Variants in ZBTB20 observed in about 807,000 individuals in gnomAD.
The protein encoded by ZBTB20 is zinc finger and BTB domain containing 20, also known as zinc finger and BTB domain-containing protein 20.
A neutral mutation model predicts 56.9 loss-of-function variants in ZBTB20; 9 were observed. The observed-to-expected ratio is 0.16, with a 90% CI of 0.10 to 0.28. The LOEUF is 0.28. Ranked by LOEUF, ZBTB20 falls within the 10% of genes least tolerant of loss-of-function variation. The pLI, the probability that ZBTB20 is intolerant of heterozygous loss-of-function variation, is 1.00. For missense variants in ZBTB20, 655 were observed against 1,003.0 expected, an observed-to-expected ratio of 0.65 and a Z score of 4.69; for synonymous variants, 417 against 420.7, an observed-to-expected ratio of 0.99 and a Z score of 0.11.
At chr3:114,375,305 C>CA (rs1263151240) in intron 10 of ZBTB20, among the ~76,000 whole-genome samples, 13 of 152,190 alleles carry the variant, frequency 8.5e-5, no homozygotes, top group Admixed American at 2.6e-4. Flanking sequence ...TAACGCCTTT[C>CA]AATCACAAAC....
In ZBTB20 at chr3:114,778,393, T is replaced by C. The variant is rs889223208; in HGVS notation, c.-343+22708A>G. Among the ~76,000 whole-genome samples the C allele has an allele frequency of 4.0e-5, 6 of 151,514 alleles. 1 individual carries two copies. The Middle Eastern group carries it at 0.014, about 346-fold the overall frequency. Reference sequence around the variant, plus strand: ...CAACAAAAAACCCAATAACTTAAAATTGGAAAAGTCCAATAGCAAAATTAT... The same window carrying C: ...CAACAAAAAACCCAATAACTTAAAACTGGAAAAGTCCAATAGCAAAATTAT... On this transcript the variant is annotated intron_variant, in intron 5 of 11. Coordinates refer to ENST00000675478, the MANE Select transcript of ZBTB20 (RefSeq NM_001348800.3).
intron 3 of ZBTB20, among the ~76,000 whole-genome samples, chr3:114,904,167 G>A (rs1262998576): frequency 6.6e-6 from 1 of 151,962 alleles, no homozygotes; most frequent in Non-Finnish European, 1.5e-5. Flanking sequence ...TTCTAGGTTG[G>A]CATAGCTGTG....
chr3:114,486,477 C>T (rs2042165792), intron 7 of ZBTB20, among the ~76,000 whole-genome samples: 1 of 152,030 alleles, frequency 6.6e-6, no homozygotes, highest in South Asian at 2.1e-4. Context: ...TGTTATAAAA[C>T]TGGTAGAGGA....
chr3:114,619,135 G>A (rs1467519035), intron 6 of ZBTB20, among the ~76,000 whole-genome samples: 1 of 152,164 alleles, frequency 6.6e-6, no homozygotes, highest in African/African-American at 2.4e-5. Context: ...GTTGTTTGGT[G>A]CCAGGTTTGT....
intron 3 of ZBTB20, among the ~76,000 whole-genome samples, chr3:114,919,701 T>A (rs1187031068): frequency 1.3e-5 from 2 of 149,650 alleles, no homozygotes; most frequent in Middle Eastern, 3.4e-3. Flanking sequence ...CAAGACTCCA[T>A]CTCAAAAAAA....
intron 6 of ZBTB20, among the ~76,000 whole-genome samples, chr3:114,679,108 C>T (rs1195284178): frequency 6.6e-6 from 1 of 152,116 alleles, no homozygotes; most frequent in African/African-American, 2.4e-5. Flanking sequence ...GGACCCCTTC[C>T]TTACACCTTA....
chr3:114,682,570 T>C (rs1359344285), intron 6 of ZBTB20, among the ~76,000 whole-genome samples: 3 of 152,016 alleles, frequency 2.0e-5, no homozygotes, highest in Non-Finnish European at 4.4e-5. Context: ...CCATAATTGA[T>C]GAATTCAAAA....
chr3:114,482,588 T>C (rs2041682351), intron 7 of ZBTB20, among the ~76,000 whole-genome samples: 5 of 152,198 alleles, frequency 3.3e-5, no homozygotes, highest in Admixed American at 2.6e-4. Context: ...GTTTAAAATA[T>C]TTTTATTCAT....
At chr3:114,759,180 C>T (rs985494824) in intron 5 of ZBTB20, 3 of 152,174 alleles carry the variant, frequency 2.0e-5, no homozygotes, top group Non-Finnish European at 1.5e-5. Context: ...CATGCCAGGG[C>T]ACAGCTTGTC....
chr3:114,618,631 T>C (rs1024871127), intron 6 of ZBTB20, among the ~76,000 whole-genome samples: 1 of 152,164 alleles, frequency 6.6e-6, no homozygotes, highest in Non-Finnish European at 1.5e-5. Flanking sequence ...TTAATGAATA[T>C]AATGAAGAAA....
At position 114,334,692 on chromosome 3, in the gene ZBTB20, C is replaced by G. The variant is rs185078960; in HGVS notation, c.*4313G>C. 1 of 152,172 alleles carries G rather than the reference C, an allele frequency of 6.6e-6. No individual in the cohort carries two copies. Among genetic ancestry groups the G allele is most frequent in the Non-Finnish European group, 1.5e-5 (1 of 68,032 alleles). 9.4% of individuals were successfully genotyped at this position (152,172 alleles called of 1,614,324 possible). A position where few individuals can be genotyped will look rare whatever the true frequency, so the allele number is the denominator to read the frequency against. ...CTAAGGCCAAGAGCTACTATGATCT[C>G]TAAGATGACTAGGAATGAACTGAGG... On this transcript the variant is annotated 3_prime_UTR_variant, in exon 12 of 12. Transcript: ENST00000675478.
chr3:114,767,851 T>TTG (rs1364278340), intron 5 of ZBTB20, among the ~76,000 whole-genome samples: 3 of 152,058 alleles, frequency 2.0e-5, no homozygotes, highest in African/African-American at 7.2e-5. Flanking sequence ...AACTCAACAG[T>TTG]TCCAAGTGTT....
chr3:114,507,365 T>TCCCC (rs2044758293), intron 6 of ZBTB20, among the ~76,000 whole-genome samples: 3 of 152,116 alleles, frequency 2.0e-5, no homozygotes, highest in Admixed American at 6.6e-5. Flanking sequence ...GCCACTCAGG[T>TCCCC]ATAGAAAGAG....
chr3:114,637,298 G>A (rs887713677), intron 6 of ZBTB20, among the ~76,000 whole-genome samples: 28 of 151,988 alleles, frequency 1.8e-4, no homozygotes, highest in African/African-American at 6.8e-4. Flanking sequence ...AACTGAACAT[G>A]GAGAAAAAGT....
At chr3:115,122,832 T>C (rs535251105) in intron 1 of ZBTB20, among the ~76,000 whole-genome samples, 4 of 152,230 alleles carry the variant, frequency 2.6e-5, no homozygotes, top group Admixed American at 6.5e-5. Flanking sequence ...TCCACAAGCC[T>C]ACATTGACAT....
intron 4 of ZBTB20, among the ~76,000 whole-genome samples, chr3:114,846,451 C>G (rs1560315422): frequency 1.3e-5 from 2 of 152,192 alleles, no homozygotes; most frequent in Non-Finnish European, 2.9e-5. Context: ...GAAATGAGAG[C>G]TCTCCTAGAG....
At chr3:114,527,560 G>A (rs890780175) in intron 6 of ZBTB20, among the ~76,000 whole-genome samples, 1 of 152,134 alleles carries the variant, frequency 6.6e-6, no homozygotes, top group African/African-American at 2.4e-5. Flanking sequence ...GCAATACTGA[G>A]CCATAATCTC....
intron 4 of ZBTB20, among the ~76,000 whole-genome samples, chr3:114,843,697 G>T (rs1202563906): frequency 6.6e-6 from 1 of 151,860 alleles, no homozygotes; most frequent in Admixed American, 6.6e-5. Flanking sequence ...TTTTTTTTGA[G>T]ACGGAGTCTC....
chr3:114,864,208 C>T (rs929380052), intron 4 of ZBTB20, among the ~76,000 whole-genome samples: 2 of 151,992 alleles, frequency 1.3e-5, no homozygotes, highest in African/African-American at 4.8e-5. Context: ...ATGTTCATGA[C>T]AATGATAAAA....
Sources: gnomAD v4.1 joint callset for allele counts (sites outside exome capture counted in the v4.1 genomes callset) on GRCh38, gnomAD v4.1.1 for gene constraint, MANE v1.5 for transcripts, NCBI Gene and HGNC (gene_info 2026-07-23, HGNC 2026-07-21) for gene names.